OR2L13: variants seen among roughly 807,000 people sequenced by gnomAD.
The protein encoded by OR2L13 is olfactory receptor family 2 subfamily L member 13, also known as olfactory receptor 2L13.
Under a neutral mutation model 15.3 loss-of-function variants are expected in OR2L13, and 14 were observed. The observed-to-expected ratio is 0.91, with a 90% CI of 0.60 to 1.43. The LOEUF is 1.43. Among genes scored for constraint, OR2L13 ranks in the 40% most tolerant of loss-of-function variants. The pLI, the probability that OR2L13 is intolerant of heterozygous loss-of-function variation, is 0.00. For missense variants in OR2L13, 367 were observed against 387.9 expected (o/e 0.95, Z 0.45); for synonymous variants, 152 against 142.9 (o/e 1.06, Z -0.45).
chr1:248,099,681 C>A lies in OR2L13; in HGVS notation c.306C>A (p.Phe102Leu), dbSNP rs12753704. The change falls in exon 3 of 3, where the codon TTC becomes TTA. Residue 102 changes from phenylalanine (F) to leucine (L), a missense_variant. By Grantham distance (22) the Phe-to-Leu change is conservative. Transcript: ENST00000641714. ...TGGGATGTGGTGTGCAAAGCTTCTTCTTCCTGACCATGGCGTGTTCTGAAG... is the reference window on the plus strand; with the variant it reads ...TGGGATGTGGTGTGCAAAGCTTCTTATTCCTGACCATGGCGTGTTCTGAAG... The A allele has an allele frequency of 1.6e-5, 26 of 1,614,060 alleles. No homozygotes were observed. Among genetic ancestry groups the A allele is most frequent in the South Asian group, 5.5e-5 (5 of 91,078 alleles).
the OR2L13 span, among the ~76,000 whole-genome samples, chr1:247,980,572 A>G: frequency 6.6e-6 from 1 of 152,226 alleles, no homozygotes; most frequent in East Asian, 1.9e-4. Context: ...TTTACCTTTG[A>G]CGTGACTTGA....
chr1:247,978,527 G>T, the OR2L13 span, among the ~76,000 whole-genome samples: 1 of 152,294 alleles, frequency 6.6e-6, no homozygotes, highest in Middle Eastern at 3.4e-3. Flanking sequence ...GCCTGCAAAG[G>T]ACATGAAGCA....
At chr1:248,083,681 T>G in the OR2L13 span, 6 of 1,594,710 alleles carry the variant, frequency 3.8e-6, no homozygotes, top group Admixed American at 5.0e-5. Context: ...GGTTTACACA[T>G]GTCCCCAGCC....
the OR2L13 span, chr1:248,062,846 C>A: frequency 6.6e-6 from 1 of 152,082 alleles, no homozygotes; most frequent in Non-Finnish European, 1.5e-5. Context: ...CACATACACT[C>A]CGCAATTATA....
chr1:248,015,710 T>A, the OR2L13 span, among the ~76,000 whole-genome samples: 1 of 152,150 alleles, frequency 6.6e-6, no homozygotes, highest in Non-Finnish European at 1.5e-5. Flanking sequence ...CTTTTAAAAG[T>A]TCAATCTGAT....
the OR2L13 span, chr1:248,060,647 G>A: frequency 4.6e-5 from 71 of 1,537,292 alleles, no homozygotes; most frequent in Admixed American, 1.0e-4. Context: ...ACTTACCCTT[G>A]TGTCTCCCTT....
At chr1:248,017,873 AG>A in the OR2L13 span, among the ~76,000 whole-genome samples, 57 of 152,290 alleles carry the variant, frequency 3.7e-4, 1 homozygote, top group African/African-American at 1.3e-3. Flanking sequence ...GGTAGAGTAA[AG>A]GATATATTTG....
At chr1:248,054,967 AAC>A in the OR2L13 span, among the ~76,000 whole-genome samples, 1 of 152,198 alleles carries the variant, frequency 6.6e-6, no homozygotes, top group Non-Finnish European at 1.5e-5. Flanking sequence ...CATACCTTCC[AAC>A]ACTACATTGA....
chr1:248,071,369 C>G, the OR2L13 span, among the ~76,000 whole-genome samples: 1 of 152,048 alleles, frequency 6.6e-6, no homozygotes, highest in Non-Finnish European at 1.5e-5. Flanking sequence ...GAACCAAAGA[C>G]AAAAACCACA....
chr1:248,028,012 GTGCCTT>G, the OR2L13 span, among the ~76,000 whole-genome samples: 1 of 151,660 alleles, frequency 6.6e-6, no homozygotes, highest in Non-Finnish European at 1.5e-5. Context: ...GTGGTTGTGG[GTGCCTT>G]TAGTCTCAGC....
chr1:248,093,260 G>C (rs924655222), upstream of OR2L13, among the ~76,000 whole-genome samples: 4 of 152,142 alleles, frequency 2.6e-5, no homozygotes, highest in African/African-American at 7.2e-5. Flanking sequence ...CAGAGAACAA[G>C]AACATACTGT....
chr1:248,052,994 A>C, the OR2L13 span, among the ~76,000 whole-genome samples: 1 of 151,874 alleles, frequency 6.6e-6, no homozygotes, highest in African/African-American at 2.4e-5. Flanking sequence ...CAGGAAGAGC[A>C]GTTTTGTTTC....
the OR2L13 span, among the ~76,000 whole-genome samples, chr1:247,987,670 T>C: frequency 6.6e-6 from 1 of 152,152 alleles, no homozygotes; most frequent in African/African-American, 2.4e-5. Flanking sequence ...TTTTTGCCCA[T>C]GTATTTTCAA....
the OR2L13 span, among the ~76,000 whole-genome samples, chr1:247,970,090 G>A: frequency 1.3e-5 from 2 of 152,160 alleles, no homozygotes; most frequent in Non-Finnish European, 2.9e-5. Context: ...TGTGTTGCCA[G>A]GGAGGATGTT....
At chr1:248,048,593 C>G in the OR2L13 span, among the ~76,000 whole-genome samples, 3 of 152,076 alleles carry the variant, frequency 2.0e-5, no homozygotes, top group Admixed American at 2.0e-4. Flanking sequence ...CAGGTACAGA[C>G]AGCTTGTTTT....
the OR2L13 span, among the ~76,000 whole-genome samples, chr1:248,074,126 A>C: frequency 6.6e-6 from 1 of 152,158 alleles, no homozygotes; most frequent in African/African-American, 2.4e-5. Flanking sequence ...AAAAAATTTA[A>C]AACTGAATAA....
the OR2L13 span, among the ~76,000 whole-genome samples, chr1:247,992,728 T>C: frequency 6.6e-6 from 1 of 152,202 alleles, no homozygotes; most frequent in African/African-American, 2.4e-5. Context: ...TATAGCTGTG[T>C]AGTGTTTCAT....
the OR2L13 span, among the ~76,000 whole-genome samples, chr1:248,027,521 C>T: frequency 6.0e-3 from 908 of 152,216 alleles, 9 homozygotes; most frequent in Non-Finnish European, 0.011. Context: ...GGGGGCACCA[C>T]GGAACCTGCC....
the OR2L13 span, among the ~76,000 whole-genome samples, chr1:248,002,686 G>A: frequency 2.6e-5 from 4 of 151,998 alleles, no homozygotes; most frequent in Admixed American, 6.6e-5. Flanking sequence ...GTGAAACCCC[G>A]TCTCTACCAA....
Sources: allele counts gnomAD v4.1 joint callset (sites outside exome capture counted in the v4.1 genomes callset), GRCh38; gene constraint gnomAD v4.1.1; transcripts MANE v1.5; gene names NCBI Gene and HGNC (gene_info 2026-07-23, HGNC 2026-07-21).